HYDIN: variants seen among roughly 807,000 people sequenced by gnomAD.
HYDIN encodes the protein HYDIN axonemal central pair apparatus protein.
A neutral mutation model predicts 403.9 loss-of-function variants in HYDIN; 132 were observed. The observed-to-expected ratio is 0.33, with a 90% CI of 0.28 to 0.38. The LOEUF (loss-of-function observed/expected upper bound fraction) is 0.38, where lower values mean the gene tolerates loss of function less well. Among genes scored for constraint, HYDIN ranks in the 10% least tolerant of loss-of-function variants. HYDIN has a pLI of 1.00. For missense variants in HYDIN, 2,827 were observed against 5,009.5 expected, an observed-to-expected ratio of 0.56 and a Z score of 13.15; for synonymous variants, 1,202 against 1,891.7, an observed-to-expected ratio of 0.64 and a Z score of 9.46.
At chr16:71,210,730 A>G (rs973197326) in intron 1 of HYDIN, among the ~76,000 whole-genome samples, 6 of 152,180 alleles carry the variant, frequency 3.9e-5, no homozygotes, top group Non-Finnish European at 8.8e-5. Context: ...ATTTCTATCT[A>G]TAATTAGACT....
intron 71 of HYDIN, 81 bp from the exon 72 acceptor site, chr16:70,857,951 G>A: frequency 1.6e-6 from 2 of 1,219,690 alleles, no homozygotes; most frequent in Non-Finnish European, 1.1e-6. Context: ...TTGTCAGCAC[G>A]AGGGTCATGA....
intron 23 of HYDIN, among the ~76,000 whole-genome samples, chr16:70,997,858 GT>G (rs2079580535): frequency 6.6e-6 from 1 of 150,944 alleles, no homozygotes; most frequent in African/African-American, 2.5e-5. Context: ...TAAAGATCTT[GT>G]TTTGCTCAAA....
At chr16:71,183,624 T>C (rs1214727798) in intron 3 of HYDIN, among the ~76,000 whole-genome samples, 1 of 152,156 alleles carries the variant, frequency 6.6e-6, no homozygotes, top group Non-Finnish European at 1.5e-5. Flanking sequence ...AAAGCTGTTA[T>C]GAAAATTTGT....
At chr16:71,222,747 T>A (rs978440864) in intron 1 of HYDIN, among the ~76,000 whole-genome samples, 1 of 151,756 alleles carries the variant, frequency 6.6e-6, no homozygotes, top group African/African-American at 2.4e-5. Flanking sequence ...TGCAAAAAAA[T>A]AAAATAAAAT....
chr16:71,030,759 A>C, intron 19 of HYDIN, among the ~76,000 whole-genome samples: 1 of 152,126 alleles, frequency 6.6e-6, no homozygotes, highest in South Asian at 2.1e-4. Flanking sequence ...CCACATTTAG[A>C]TTGTTCTGCT....
At chr16:70,871,880 T>C (rs1334458743) in intron 65 of HYDIN, among the ~76,000 whole-genome samples, 157 bp downstream of exon 65, 1 of 142,384 alleles carries the variant, frequency 7.0e-6, no homozygotes, top group Non-Finnish European at 1.5e-5. Context: ...ACAGTGTTCT[T>C]TGCTACTAGG....
chr16:71,148,923 TA>T (rs1403750520), intron 7 of HYDIN, among the ~76,000 whole-genome samples: 1 of 104,688 alleles, frequency 9.6e-6, no homozygotes, highest in Non-Finnish European at 2.0e-5. Flanking sequence ...CACACCCGGC[TA>T]ATTTTTGTAG....
At chr16:71,086,338 TAACA>T (rs2082930158) in intron 12 of HYDIN, among the ~76,000 whole-genome samples, 1 of 151,772 alleles carries the variant, frequency 6.6e-6, no homozygotes, top group African/African-American at 2.4e-5. Context: ...AGAGTTTATT[TAACA>T]AATATCCAAA....
At chr16:71,153,328 G>C (rs2085617759) in intron 6 of HYDIN, among the ~76,000 whole-genome samples, 1 of 152,086 alleles carries the variant, frequency 6.6e-6, no homozygotes, top group Admixed American at 6.5e-5. Flanking sequence ...GGATAATTCA[G>C]GACAGATGAA....
At chr16:70,822,707 C>A (rs1218218180) in intron 83 of HYDIN, among the ~76,000 whole-genome samples, 3 of 152,176 alleles carry the variant, frequency 2.0e-5, no homozygotes, top group Non-Finnish European at 4.4e-5. Context: ...TAACCACCAC[C>A]CTCATCAGTC....
intron 1 of HYDIN, among the ~76,000 whole-genome samples, chr16:71,204,461 T>C (rs762662946): frequency 5.9e-5 from 9 of 152,236 alleles, no homozygotes; most frequent in Non-Finnish European, 1.0e-4. Context: ...GCAAGCTAGT[T>C]TGACCGTTCT....
At chr16:70,932,569 G>A (rs1276796755) in intron 45 of HYDIN, among the ~76,000 whole-genome samples, 1 of 151,988 alleles carries the variant, frequency 6.6e-6, no homozygotes, top group Non-Finnish European at 1.5e-5. Flanking sequence ...AAGAAGACAG[G>A]GAAGGGGCTA....
chr16:71,020,170 G>A lies in HYDIN; in HGVS notation c.3330+4C>T. On this transcript the variant is annotated splice_donor_region_variant and intron_variant, in intron 22 of 85. Transcript: ENST00000393567. ...CTTGCCAGAACAGACCCCTATTAAG[G>A]TACCTCAGGAGTTGCCGGCAGCAGG... 6.2e-7 allele frequency: 1 copy of A among 1,613,580 alleles called. No homozygotes were observed. Among genetic ancestry groups the A allele is most frequent in the Non-Finnish European group, 8.5e-7 (1 of 1,179,846 alleles).
At chr16:71,213,271 A>G (rs2088692564) in intron 1 of HYDIN, among the ~76,000 whole-genome samples, 1 of 152,144 alleles carries the variant, frequency 6.6e-6, no homozygotes, top group Non-Finnish European at 1.5e-5. Flanking sequence ...TCAACAGTGA[A>G]GTGATTTAAA....
chr16:71,176,488 T>G (rs747677822), intron 4 of HYDIN, among the ~76,000 whole-genome samples: 1 of 152,052 alleles, frequency 6.6e-6, no homozygotes, highest in Non-Finnish European at 1.5e-5. Context: ...CACCTCATCC[T>G]CACCATAATC....
chr16:70,908,189 G>C, intron 49 of HYDIN, 63 bp downstream of exon 49: 2 of 1,458,352 alleles, frequency 1.4e-6, no homozygotes, highest in South Asian at 2.4e-5. Flanking sequence ...CTTGTTCAAA[G>C]TGCCATGGAG....
At chr16:70,994,446 G>A (rs2458391) in intron 23 of HYDIN, among the ~76,000 whole-genome samples, 3 of 149,446 alleles carry the variant, frequency 2.0e-5, no homozygotes, top group East Asian at 1.9e-4. Context: ...ATGGAAAAGC[G>A]CTTTTCATTT....
chr16:71,037,095 T>G (rs1435254473), intron 18 of HYDIN, among the ~76,000 whole-genome samples: 1 of 151,152 alleles, frequency 6.6e-6, no homozygotes, highest in South Asian at 2.1e-4. Context: ...CTGTGGAACT[T>G]TGGGGATGTC....
At chr16:71,050,029 T>G (rs59525815) in intron 18 of HYDIN, among the ~76,000 whole-genome samples, 13 of 145,216 alleles carry the variant, frequency 9.0e-5, no homozygotes, top group African/African-American at 1.3e-4. Flanking sequence ...CTGGTTGGGG[T>G]GTGTGTGTGT....
Sources: allele counts gnomAD v4.1 joint callset (sites outside exome capture counted in the v4.1 genomes callset), GRCh38; gene constraint gnomAD v4.1.1; transcripts MANE v1.5; gene names NCBI Gene and HGNC (gene_info 2026-07-23, HGNC 2026-07-21).